Variants in DDX42 observed in about 807,000 individuals in gnomAD.
DDX42 encodes DEAD-box helicase 42.
In DDX42, 22 loss-of-function variants were observed where a neutral mutation model predicts 101.5. That is an observed-to-expected ratio of 0.22 (90% CI 0.15 to 0.31). The LOEUF (loss-of-function observed/expected upper bound fraction) is 0.31, where lower values mean the gene tolerates loss of function less well. Among genes scored for constraint, DDX42 ranks in the 10% least tolerant of loss-of-function variants. The pLI, the probability that DDX42 is intolerant of heterozygous loss-of-function variation, is 1.00. For missense variants in DDX42, 849 were observed against 1,199.9 expected, an observed-to-expected ratio of 0.71 and a Z score of 4.32; for synonymous variants, 402 against 401.2, an observed-to-expected ratio of 1.00 and a Z score of -0.02.
In DDX42 at chr17:63,806,592, G is replaced by A. The variant is rs1192737676; in HGVS notation, c.784G>A (p.Glu262Lys). 6.2e-7 allele frequency: 1 copy of A among 1,613,134 alleles called. No homozygotes were observed. The highest frequency in any genetic ancestry group is 1.1e-5 in the South Asian group (1 of 90,896). ...GSSFAHFGFDEQLMHQIRKSE... is the reference protein window; with the variant it reads ...GSSFAHFGFDKQLMHQIRKSE... The stretch of plus-strand genomic sequence containing the variant: ...TAGCTTTGCTCATTTTGGGTTTGAC[G>A]AACAACTTATGCACCAGATTCGGAA... Residue 262 changes from glutamate to lysine, a missense_variant, in exon 8 of 18, where the codon GAA (glutamate) becomes AAA (lysine). Physicochemically the swap from Glu to Lys is moderately conservative, Grantham distance 56 (BLOSUM62 1). Around this residue, in one of 5 missense-constraint regions of DDX42, gnomAD observed 370 missense variants for 608.8 expected, o/e 0.61. Coordinates refer to ENST00000389924, the MANE Select transcript of DDX42 (RefSeq NM_203499.3).
At chr17:63,795,702 A>G (rs928896762) in intron 3 of DDX42, among the ~76,000 whole-genome samples, 17 of 152,208 alleles carry the variant, frequency 1.1e-4, no homozygotes, top group Non-Finnish European at 2.1e-4. Flanking sequence ...ATCAGAAAAC[A>G]AAAGACTCAG....
At chr17:63,782,783 T>C (rs1322802585) in intron 1 of DDX42, among the ~76,000 whole-genome samples, 2 of 152,194 alleles carry the variant, frequency 1.3e-5, no homozygotes, top group African/African-American at 4.8e-5. Flanking sequence ...CATTCTGTCT[T>C]TCAAAAACAC....
At chr17:63,811,435 C>G (rs2039909037) in intron 13 of DDX42, 1 of 390,844 alleles carries the variant, frequency 2.6e-6, no homozygotes, top group African/African-American at 2.1e-5. Context: ...TGTCTCAAAA[C>G]TTACAATTGT....
intron 4 of DDX42, 136 bp downstream of exon 4, chr17:63,798,235 T>C (rs755357929): frequency 1.4e-5 from 10 of 720,406 alleles, no homozygotes; most frequent in Non-Finnish European, 1.6e-5. Context: ...TCCTGTATCT[T>C]GAATACTTTA....
intron 12 of DDX42, among the ~76,000 whole-genome samples, 176 bp from the exon 13 acceptor site, chr17:63,810,900 G>T (rs1204577792): frequency 1.3e-5 from 2 of 152,262 alleles, no homozygotes; most frequent in Admixed American, 1.3e-4. Flanking sequence ...AACTAAAAAT[G>T]TAATAAAAAT....
At chr17:63,779,144 A>T (rs568086931) in intron 1 of DDX42, among the ~76,000 whole-genome samples, 1 of 152,322 alleles carries the variant, frequency 6.6e-6, no homozygotes, top group East Asian at 1.9e-4. Flanking sequence ...TAGGTATTTC[A>T]AAAGGGTTCT....
At chr17:63,788,423 C>T (rs2039577043) in intron 2 of DDX42, among the ~76,000 whole-genome samples, 1 of 150,826 alleles carries the variant, frequency 6.6e-6, no homozygotes, top group Admixed American at 6.6e-5. Flanking sequence ...TCTCCTGCCT[C>T]AGCCTCCCAA....
intron 13 of DDX42, chr17:63,811,399 T>C (rs998195893): frequency 6.8e-5 from 30 of 441,408 alleles, no homozygotes; most frequent in Admixed American, 1.6e-4. Flanking sequence ...ATTTTGTTCA[T>C]TTTGTGTTTT....
chr17:63,811,475 T>C (rs968492277), intron 13 of DDX42: 3 of 366,704 alleles, frequency 8.2e-6, no homozygotes, highest in Non-Finnish European at 1.5e-5. Flanking sequence ...GACAAAAAGA[T>C]GTGCCTGGAA....
chr17:63,785,689 G>A (rs1444796049), intron 1 of DDX42, among the ~76,000 whole-genome samples: 1 of 151,914 alleles, frequency 6.6e-6, no homozygotes, highest in East Asian at 1.9e-4. Flanking sequence ...GAATGCACAA[G>A]AAATTTCTTT....
intron 15 of DDX42, 89 bp from the exon 16 acceptor site, chr17:63,815,474 C>A: frequency 1.1e-6 from 1 of 947,254 alleles, no homozygotes; most frequent in South Asian, 1.6e-5. Flanking sequence ...AAAGTTCCCC[C>A]TTCCCACTTA....
chr17:63,802,465 A>G (rs985546928), intron 6 of DDX42, among the ~76,000 whole-genome samples: 18 of 152,236 alleles, frequency 1.2e-4, no homozygotes, highest in Admixed American at 1.3e-4. Context: ...TTTATTACCC[A>G]TGATAGACAT....
Position 63,817,852 on chromosome 17 carries a change from C to A in DDX42, c.2271C>A (p.Thr757=). The A allele has an allele frequency of 6.2e-7, 1 of 1,614,222 alleles. No individual in the cohort carries two copies. Among genetic ancestry groups the A allele is most frequent in the Non-Finnish European group, 8.5e-7 (1 of 1,180,046 alleles). ...QGHNSPDSPV[T]SAAKGIPGFG... is the part of the protein sequence containing the mutation. ...ATAACAGTCCTGACAGCCCCGTCAC[C>A]AGTGCCGCCAAGGGCATCCCAGGCT... is the stretch of plus-strand genomic sequence containing the variant. Residue 757 remains threonine, a synonymous_variant, in exon 18 of 18, where the codon ACC becomes ACA. Transcript: ENST00000389924.
At chr17:63,786,010 A>T (rs1324768621) in intron 1 of DDX42, among the ~76,000 whole-genome samples, 1 of 152,224 alleles carries the variant, frequency 6.6e-6, no homozygotes, top group Non-Finnish European at 1.5e-5. Flanking sequence ...GGCCTTGCAC[A>T]TATCAGATTC....
Position 63,774,201 on chromosome 17 carries a change from A to AGGCGGTGGCGGTGGT in DDX42, c.-180_-166dup, listed in dbSNP as rs1555717917. ...CTCCCCCCTTCAGCAACGGGCCGTG[A>AGGCGGTGGCGGTGGT]GGCGGTGGCGGTGGTGGCGGTGGCG... On this transcript the variant is annotated 5_prime_UTR_variant, in exon 1 of 18. Coordinates refer to ENST00000389924, the MANE Select transcript of DDX42 (RefSeq NM_203499.3). The AGGCGGTGGCGGTGGT allele has an allele frequency of 4.6e-5, 12 of 259,930 alleles. 1 individual carries two copies. Among genetic ancestry groups the AGGCGGTGGCGGTGGT allele is most frequent in the East Asian group, 8.0e-5 (1 of 12,540 alleles). 16.1% of individuals were successfully genotyped at this position (259,930 alleles called of 1,614,324 possible). A position where few individuals can be genotyped will look rare whatever the true frequency, so the allele number is the denominator to read the frequency against.
At chr17:63,776,335 G>A (rs1487764216) in intron 1 of DDX42, 5 of 152,248 alleles carry the variant, frequency 3.3e-5, no homozygotes, top group African/African-American at 7.2e-5. Context: ...TCGTCTGCAC[G>A]TCTCTACCCA....
intron 6 of DDX42, among the ~76,000 whole-genome samples, chr17:63,802,538 C>T (rs186941552): frequency 1.2e-4 from 19 of 152,256 alleles, no homozygotes; most frequent in African/African-American, 3.6e-4. Context: ...GAGGCTGAGG[C>T]GGGTAGATCG....
At chr17:63,784,878 A>T (rs2039527589) in intron 1 of DDX42, among the ~76,000 whole-genome samples, 1 of 152,242 alleles carries the variant, frequency 6.6e-6, no homozygotes, top group Admixed American at 6.5e-5. Context: ...AGATGTAGCT[A>T]TAATGATGTG....
chr17:63,806,391 T>A (rs992284013), intron 7 of DDX42, 144 bp from the exon 8 acceptor site: 1 of 838,354 alleles, frequency 1.2e-6, no homozygotes, highest in African/African-American at 1.7e-5. Flanking sequence ...GGTTTTTCCT[T>A]TTCATTGTAT....
Sources: allele counts gnomAD v4.1 joint callset (sites outside exome capture counted in the v4.1 genomes callset), GRCh38; gene constraint gnomAD v4.1.1; regional missense constraint gnomAD v4.1.1; transcripts MANE v1.5; gene names NCBI Gene and HGNC (gene_info 2026-07-23, HGNC 2026-07-21).